Variants in CTNNA2 observed in about 807,000 individuals in gnomAD.
The protein encoded by CTNNA2 is catenin alpha-2.
CTNNA2 carries 42 observed loss-of-function variants against 101.0 expected under a neutral mutation model. That is an observed-to-expected ratio of 0.42 (90% CI 0.32 to 0.54). CTNNA2 has a LOEUF of 0.54. Ranked by LOEUF, CTNNA2 falls within the 20% of genes least tolerant of loss-of-function variation. CTNNA2 has a pLI of 0.14. For synonymous variants in CTNNA2, 450 were observed against 456.4 expected (o/e 0.99, Z 0.18); for missense variants, 871 against 1,223.1 (o/e 0.71, Z 4.29).
intron 3 of CTNNA2, among the ~76,000 whole-genome samples, chr2:79,829,478 G>A (rs1678733920): frequency 6.6e-6 from 1 of 150,818 alleles, no homozygotes; most frequent in East Asian, 2.0e-4. Flanking sequence ...GTTGAGGCAG[G>A]AGAATCGCTT....
chr2:79,950,355 T>C (rs1376126695), intron 7 of CTNNA2, among the ~76,000 whole-genome samples: 2 of 152,224 alleles, frequency 1.3e-5, no homozygotes, highest in African/African-American at 2.4e-5. Flanking sequence ...ATGGCCTAAA[T>C]AGATGAAGTC....
At chr2:80,226,154 T>C (rs1380447023) in intron 7 of CTNNA2, among the ~76,000 whole-genome samples, 1 of 152,206 alleles carries the variant, frequency 6.6e-6, no homozygotes. Context: ...AATGGGACTA[T>C]GTGTTTTGTG....
In CTNNA2 at chr2:80,162,851, C is replaced by T. The variant is rs1704415882; in HGVS notation, c.1057-230360C>T. ...AATTTTCTGGAGAAGAGAAAGATCT[C>T]TGAATTATCTGTGCTGATGAAGTCA... On this transcript the variant is annotated intron_variant, in intron 7 of 18. Transcript: ENST00000402739. 5 of 1,595,588 alleles carry T rather than the reference C, an allele frequency of 3.1e-6. No homozygotes were observed. The South Asian group carries it at 4.4e-5, about 14-fold the overall frequency.
At chr2:80,645,146 T>A (rs1673931869) in intron 18 of CTNNA2, among the ~76,000 whole-genome samples, 1 of 152,174 alleles carries the variant, frequency 6.6e-6, no homozygotes, top group Non-Finnish European at 1.5e-5. Flanking sequence ...CTGTCATATT[T>A]TACCCTTTAT....
At chr2:80,594,495 A>G (rs1020236675) in intron 15 of CTNNA2, among the ~76,000 whole-genome samples, 6 of 151,934 alleles carry the variant, frequency 3.9e-5, no homozygotes, top group African/African-American at 1.4e-4. Context: ...TTTGACACAC[A>G]CAAGTTTTTA....
In CTNNA2 at chr2:80,302,174, C is replaced by T. The variant is rs1252354629; in HGVS notation, c.1057-91037C>T. 1.3e-6 allele frequency: 2 copies of T among 1,544,984 alleles called. No homozygotes were observed. The highest frequency in any genetic ancestry group is 1.8e-5 in the Admixed American group (1 of 54,876). On this transcript the variant is annotated intron_variant, in intron 7 of 18. Transcript: ENST00000402739. The surrounding 1 kb of genome is among the most constrained non-coding windows in gnomAD (Gnocchi z 6.4). ...ATATCAGAGCACAGACAAGGAGACC[C>T]CAGCCTGGTGCCCGCCGGCCCGTCC...
intron 18 of CTNNA2, among the ~76,000 whole-genome samples, chr2:80,620,313 G>T (rs1490693885): frequency 5.0e-5 from 7 of 139,352 alleles, no homozygotes; most frequent in Non-Finnish European, 9.0e-5. Context: ...TTGTGTTGGA[G>T]AATTGGTTTC....
chr2:79,797,512 T>G (rs1252957280), intron 3 of CTNNA2, among the ~76,000 whole-genome samples: 1 of 151,708 alleles, frequency 6.6e-6, no homozygotes, highest in Non-Finnish European at 1.5e-5. Flanking sequence ...TATAAAAAAA[T>G]AGTCAGGTGT....
intron 8 of CTNNA2, among the ~76,000 whole-genome samples, chr2:80,397,681 T>G (rs1678149360): frequency 6.6e-6 from 1 of 152,188 alleles, no homozygotes; most frequent in African/African-American, 2.4e-5. Context: ...GTGAATCAAT[T>G]AAGCCTATTT....
Position 80,219,544 on chromosome 2 carries a change from T to C in CTNNA2, c.1057-173667T>C, listed in dbSNP as rs550364485. Among the ~76,000 whole-genome samples the C allele has an allele frequency of 2.6e-5, 4 of 152,310 alleles. No individual in the cohort carries two copies. In the South Asian group the frequency reaches 6.2e-4, roughly 24 times the overall value. ...AATATATACTACCTAATTTAAGATC[T>C]AGAATACCAGTCTGTGTCCAGACTA... On this transcript the variant is annotated intron_variant, in intron 7 of 18. Coordinates refer to ENST00000402739, the MANE Select transcript of CTNNA2 (RefSeq NM_001282597.3).
At chr2:79,915,162 A>G (rs1363537078) in intron 7 of CTNNA2, among the ~76,000 whole-genome samples, 1 of 147,714 alleles carries the variant, frequency 6.8e-6, no homozygotes, top group East Asian at 2.0e-4. Context: ...TATAGTGGAA[A>G]AGAAATATAT....
chr2:80,576,786 TGA>T (rs68171371), intron 13 of CTNNA2, among the ~76,000 whole-genome samples: 21,655 of 111,806 alleles, frequency 0.19, 2,188 homozygotes, highest in Middle Eastern at 0.29. Flanking sequence ...CTGTCTCTAC[TGA>T]AAAAAAAAAA....
chr2:79,256,450 T>C (rs557370547), intron 2 of CTNNA2, among the ~76,000 whole-genome samples: 1 of 151,540 alleles, frequency 6.6e-6, no homozygotes, highest in East Asian at 1.9e-4. Flanking sequence ...GACTATGAAA[T>C]GAATAAATGA....
At chr2:80,587,142 T>A (rs1696047714) in intron 14 of CTNNA2, among the ~76,000 whole-genome samples, 1 of 152,152 alleles carries the variant, frequency 6.6e-6, no homozygotes, top group Non-Finnish European at 1.5e-5. Context: ...TGTGTGATAT[T>A]AGGAATTCTA....
intron 2 of CTNNA2, among the ~76,000 whole-genome samples, chr2:79,698,177 G>A (rs1684764590): frequency 1.3e-5 from 2 of 151,840 alleles, no homozygotes. Flanking sequence ...GAGTTAGTTT[G>A]GATAATTCTG....
At chr2:79,888,079 T>C (rs2104182890) in intron 6 of CTNNA2, among the ~76,000 whole-genome samples, 1 of 152,228 alleles carries the variant, frequency 6.6e-6, no homozygotes, top group African/African-American at 2.4e-5. Context: ...TCAAAAAGTG[T>C]TTAGTCTACC....
intron 1 of CTNNA2, among the ~76,000 whole-genome samples, chr2:79,545,369 T>G (rs1673667244): frequency 6.6e-6 from 1 of 152,062 alleles, no homozygotes; most frequent in African/African-American, 2.4e-5. Context: ...ATGGAAGCTG[T>G]ACATTGAGGA....
At position 79,860,546 on chromosome 2, in the gene CTNNA2, G is replaced by GTTTTTTTTTTTTTTTTTTTT. The variant is rs56929879; in HGVS notation, c.465+2386_465+2387insTTTTTTTTTTTTTTTTTTTT. ...TTCTCCACACAGCCGAGTAAGGGAA[G>GTTTTTTTTTTTTTTTTTTTT]TTTTTTTTTTTTTTTTTTTAACGAT... is the stretch of plus-strand genomic sequence containing the variant. On this transcript the variant is annotated intron_variant, in intron 4 of 18. Coordinates refer to ENST00000402739, the MANE Select transcript of CTNNA2 (RefSeq NM_001282597.3). Among the ~76,000 whole-genome samples the GTTTTTTTTTTTTTTTTTTTT allele has an allele frequency of 4.9e-4, 53 of 107,188 alleles. 4 individuals are homozygous for GTTTTTTTTTTTTTTTTTTTT. The highest frequency in any genetic ancestry group is 1.8e-3 in the African/African-American group (48 of 27,086). The allele number at this position is 107,188 out of a possible 152,430, so 70.3% of individuals were successfully genotyped here.
intron 7 of CTNNA2, chr2:80,313,482 G>A: frequency 1.3e-6 from 2 of 1,554,932 alleles, no homozygotes; most frequent in Non-Finnish European, 8.7e-7. Context: ...TGGCAGAGAT[G>A]TAAACAAGAG....
Sources: allele counts gnomAD v4.1 joint callset (sites outside exome capture counted in the v4.1 genomes callset), GRCh38; gene constraint gnomAD v4.1.1; non-coding constraint Gnocchi (gnomAD v3.1); transcripts MANE v1.5; gene names NCBI Gene and HGNC (gene_info 2026-07-23, HGNC 2026-07-21).